CFAP299: variants seen among roughly 807,000 people sequenced by gnomAD.
CFAP299 encodes the protein cilia and flagella associated protein 299.
A neutral mutation model predicts 27.0 loss-of-function variants in CFAP299; 21 were observed. The observed-to-expected ratio is 0.78, with a 90% CI of 0.55 to 1.12. The LOEUF (loss-of-function observed/expected upper bound fraction) is 1.12, where lower values mean the gene tolerates loss of function less well. Ranked by LOEUF, CFAP299 falls within the 50% of genes most tolerant of loss-of-function variation. CFAP299 has a pLI of 0.00. For missense variants in CFAP299, 310 were observed against 276.6 expected (o/e 1.12, Z -0.86); for synonymous variants, 104 against 98.1 (o/e 1.06, Z -0.36).
intron 2 of CFAP299, among the ~76,000 whole-genome samples, chr4:80,487,276 G>T (rs954866262): frequency 1.3e-5 from 2 of 152,120 alleles, no homozygotes; most frequent in Non-Finnish European, 2.9e-5. Flanking sequence ...CATTCAAAAT[G>T]GTCTTACTCT....
chr4:80,776,706 A>G (rs188526032), intron 3 of CFAP299, among the ~76,000 whole-genome samples: 212 of 152,244 alleles, frequency 1.4e-3, no homozygotes, highest in African/African-American at 4.7e-3. Context: ...TACCTATGTA[A>G]CAAACCTGCA....
chr4:80,372,187 G>C (rs1724179277), intron 2 of CFAP299, among the ~76,000 whole-genome samples: 1 of 152,208 alleles, frequency 6.6e-6, no homozygotes, highest in Non-Finnish European at 1.5e-5. Context: ...GCAGGAGGAA[G>C]AGAGAGATGG....
At chr4:80,682,976 A>T (rs1391191235) in intron 3 of CFAP299, among the ~76,000 whole-genome samples, 1 of 152,188 alleles carries the variant, frequency 6.6e-6, no homozygotes, top group African/African-American at 2.4e-5. Flanking sequence ...ATATCAATTC[A>T]TCATTCAACA....
At chr4:80,952,686 T>A (rs1217138419) in intron 5 of CFAP299, among the ~76,000 whole-genome samples, 1 of 152,092 alleles carries the variant, frequency 6.6e-6, no homozygotes, top group African/African-American at 2.4e-5. Flanking sequence ...ACTAATAAAA[T>A]CACCCGTTTT....
intron 3 of CFAP299, among the ~76,000 whole-genome samples, chr4:80,818,098 C>T (rs549089123): frequency 1.1e-4 from 16 of 152,150 alleles, no homozygotes; most frequent in South Asian, 6.2e-4. Flanking sequence ...TGAGACCATG[C>T]GGCATTTGGT....
intron 3 of CFAP299, among the ~76,000 whole-genome samples, chr4:80,768,338 CAA>C (rs1198007032): frequency 2.0e-5 from 3 of 151,914 alleles, no homozygotes; most frequent in Non-Finnish European, 4.4e-5. Flanking sequence ...ACCCTAAAGT[CAA>C]AGAGACAGAG....
intron 4 of CFAP299, chr4:80,871,269 C>T: frequency 1.0e-6 from 1 of 985,398 alleles, no homozygotes; most frequent in Non-Finnish European, 1.2e-6. Flanking sequence ...TTTCATTTAA[C>T]TTCTCTCTTG....
intron 3 of CFAP299, among the ~76,000 whole-genome samples, chr4:80,619,728 G>A (rs545873553): frequency 1.1e-4 from 16 of 152,120 alleles, no homozygotes; most frequent in Non-Finnish European, 2.4e-4. Context: ...TACTGGCTGT[G>A]ACAGCTTATT....
intron 3 of CFAP299, among the ~76,000 whole-genome samples, chr4:80,856,939 A>G (rs1051932721): frequency 1.7e-3 from 262 of 152,010 alleles, no homozygotes; most frequent in African/African-American, 6.0e-3. Context: ...AATTCTGTGA[A>G]GAAAGTCATT....
intron 2 of CFAP299, among the ~76,000 whole-genome samples, chr4:80,404,213 A>G (rs897362986): frequency 1.3e-5 from 2 of 151,982 alleles, no homozygotes; most frequent in South Asian, 2.1e-4. Flanking sequence ...ATCTAAATAT[A>G]TAATATTATC....
intron 2 of CFAP299, among the ~76,000 whole-genome samples, chr4:80,454,343 T>C (rs188151448): frequency 1.6e-4 from 25 of 152,224 alleles, no homozygotes; most frequent in Non-Finnish European, 3.5e-4. Context: ...GAACAAGATA[T>C]CTACCAGCGA....
chr4:80,686,401 C>T (rs544122277), intron 3 of CFAP299, among the ~76,000 whole-genome samples: 2 of 152,312 alleles, frequency 1.3e-5, no homozygotes, highest in African/African-American at 2.4e-5. Flanking sequence ...GATTTCTGTG[C>T]TTTCTTTTGC....
chr4:80,386,212 A>G (rs1724972450), intron 2 of CFAP299: 3 of 962,832 alleles, frequency 3.1e-6, no homozygotes, highest in Admixed American at 2.3e-5. Context: ...GAGCACAGCG[A>G]GCATGGCACA....
chr4:80,663,259 T>C (rs1012172239), intron 3 of CFAP299, among the ~76,000 whole-genome samples: 1 of 152,126 alleles, frequency 6.6e-6, no homozygotes, highest in Non-Finnish European at 1.5e-5. Flanking sequence ...ACATTAGGTA[T>C]TTCTCCTAAT....
At chr4:80,401,295 G>A (rs1726138879) in intron 2 of CFAP299, among the ~76,000 whole-genome samples, 1 of 152,214 alleles carries the variant, frequency 6.6e-6, no homozygotes. Context: ...TCCAGGCCAT[G>A]CCAGAGACCC....
At chr4:80,857,324 T>C (rs1251608235) in intron 3 of CFAP299, among the ~76,000 whole-genome samples, 1 of 152,200 alleles carries the variant, frequency 6.6e-6, no homozygotes, top group Non-Finnish European at 1.5e-5. Flanking sequence ...TGGGGTTTTC[T>C]AGATTTTACA....
chr4:80,380,743 A>G (rs1724660778), intron 2 of CFAP299, among the ~76,000 whole-genome samples: 1 of 151,982 alleles, frequency 6.6e-6, no homozygotes, highest in Non-Finnish European at 1.5e-5. Flanking sequence ...TTTTGTTCTT[A>G]CTTCAGCTGT....
chr4:80,593,118 C>G (rs1285935249), intron 3 of CFAP299, among the ~76,000 whole-genome samples: 1 of 152,112 alleles, frequency 6.6e-6, no homozygotes, highest in Non-Finnish European at 1.5e-5. Flanking sequence ...CAGGGTTGTT[C>G]TGTGTATATA....
intron 2 of CFAP299, among the ~76,000 whole-genome samples, chr4:80,463,922 G>A (rs1476370714): frequency 6.6e-6 from 1 of 151,980 alleles, no homozygotes; most frequent in African/African-American, 2.4e-5. Context: ...CTGCCAACTG[G>A]ACCCGCTCTT....
Sources: allele counts gnomAD v4.1 joint callset (sites outside exome capture counted in the v4.1 genomes callset), GRCh38; gene constraint gnomAD v4.1.1; transcripts MANE v1.5; gene names NCBI Gene and HGNC (gene_info 2026-07-23, HGNC 2026-07-21).